WNT7B: variants seen among roughly 807,000 people sequenced by gnomAD.
WNT7B encodes Wnt family member 7B.
WNT7B carries 19 observed loss-of-function variants against 38.2 expected under a neutral mutation model. That is an observed-to-expected ratio of 0.50 (90% confidence interval 0.35 to 0.73). The LOEUF (loss-of-function observed/expected upper bound fraction) is 0.73, where lower values mean the gene tolerates loss of function less well. WNT7B is among the 30% of genes least tolerant of loss of function. The pLI is 0.01. For missense variants in WNT7B, 423 were observed against 507.9 expected, an observed-to-expected ratio of 0.83 and a Z score of 1.61; for synonymous variants, 243 against 209.3, an observed-to-expected ratio of 1.16 and a Z score of -1.39.
Position 45,922,843 on chromosome 22 carries a change from T to A in WNT7B, c.*13A>T. ...GGGTTCCAGGGTGCCCGCGGCCGCC[T>A]CCGGGCCTGGCCTCACTTGCAGGTG... On this transcript the variant is annotated 3_prime_UTR_variant, in exon 4 of 4. Transcript: ENST00000339464. 1 of 1,586,276 alleles carries A rather than the reference T, an allele frequency of 6.3e-7. No homozygotes were observed. Among genetic ancestry groups the A allele is most frequent in the Non-Finnish European group, 8.6e-7 (1 of 1,161,838 alleles).
intron 2 of WNT7B, among the ~76,000 whole-genome samples, chr22:45,948,857 T>C (rs867802191): frequency 0.019 from 2,204 of 114,086 alleles, 24 homozygotes; most frequent in Middle Eastern, 0.05. Context: ...TTTTTTTTTT[T>C]CCCCTGAGAC....
At chr22:45,936,106 G>A (rs1044791638) in intron 2 of WNT7B, 13 of 985,324 alleles carry the variant, frequency 1.3e-5, no homozygotes, top group Non-Finnish European at 1.6e-5. Context: ...CAAGAGCACT[G>A]GGTGGGTTTC....
chr22:45,975,695 G>T lies in WNT7B; in HGVS notation c.71+989C>A. On this transcript the variant is annotated intron_variant, in intron 1 of 3. Transcript: ENST00000339464. This position sits in a 1 kb window ranked among gnomAD's most constrained non-coding sequence, Gnocchi z 6.6. ...GGGTCTGTTCACCGCCTTGCCTGTGGCCTGGACGGGGCTCGCCTCGGGGCA... is the reference window on the plus strand; with the variant it reads ...GGGTCTGTTCACCGCCTTGCCTGTGTCCTGGACGGGGCTCGCCTCGGGGCA... The T allele has an allele frequency of 1.7e-6, 1 of 598,572 alleles. No individual in the cohort carries two copies. Among genetic ancestry groups the T allele is most frequent in the South Asian group, 2.0e-5 (1 of 50,420 alleles). 37.1% of individuals were successfully genotyped at this position (598,572 alleles called of 1,614,324 possible).
intron 1 of WNT7B, chr22:45,972,220 C>T: frequency 1.5e-6 from 1 of 649,260 alleles, no homozygotes; most frequent in Non-Finnish European, 2.8e-6. Context: ...GCGCGCTGCG[C>T]GGCGACAGTA....
rs1164815999 is a variant in WNT7B, at chr22:45,966,170, G to T, written c.71+10514C>A. Among the ~76,000 whole-genome samples the T allele has an allele frequency of 3.3e-5, 5 of 152,224 alleles. No individual in the cohort carries two copies. The highest frequency in any genetic ancestry group is 2.1e-4 in the South Asian group (1 of 4,832). On this transcript the variant is annotated intron_variant, in intron 1 of 3. Coordinates refer to ENST00000339464, the MANE Select transcript of WNT7B (RefSeq NM_058238.3). This position sits in a 1 kb window ranked among gnomAD's most constrained non-coding sequence, Gnocchi z 4.2. The stretch of plus-strand genomic sequence containing the variant: ...TCCCACTAGGGAGGGCCTTCTGGGG[G>T]AAACTGAGTCCTCCAGAAGTGGGAA...
At chr22:45,957,619 G>T (rs1932096862) in intron 1 of WNT7B, among the ~76,000 whole-genome samples, 1 of 128,410 alleles carries the variant, frequency 7.8e-6, no homozygotes, top group Non-Finnish European at 1.6e-5. Context: ...GGAGGCGAAA[G>T]TTGCAGTGAG....
At chr22:45,936,509 A>G (rs1319664053) in intron 2 of WNT7B, among the ~76,000 whole-genome samples, 1 of 152,252 alleles carries the variant, frequency 6.6e-6, no homozygotes, top group Non-Finnish European at 1.5e-5. Flanking sequence ...CCTCAGAGAC[A>G]TGTGGGTAAA....
intron 1 of WNT7B, chr22:45,972,116 G>GGGGGGCCCCCCCCCCCCCCCCCCCCCC: frequency 3.8e-6 from 2 of 530,738 alleles, no homozygotes; most frequent in Non-Finnish European, 6.6e-6. Flanking sequence ...CCCGGGGGGA[G>GGGGGGCCCCCCCCCCCCCCCCCCCCCC]CCCACCCGCC....
chr22:45,955,378 T>A (rs1226395903), intron 1 of WNT7B, among the ~76,000 whole-genome samples: 5 of 152,194 alleles, frequency 3.3e-5, no homozygotes, highest in African/African-American at 4.8e-5. Context: ...AGCCAGTGAT[T>A]TAGAGGAGGC....
At chr22:45,927,557 G>T in intron 3 of WNT7B, 1 of 1,409,048 alleles carries the variant, frequency 7.1e-7, no homozygotes, top group Non-Finnish European at 9.8e-7. Context: ...AGGTCACCCT[G>T]GGTTGTCCAA....
rs1569106967 is a variant in WNT7B at position 45,920,735 on chromosome 22, AGGGATGGGATGGGATGG to A, written c.*2104_*2120del. 2.8e-5 allele frequency: 2 copies of A among 71,058 alleles called. No individual in the cohort carries two copies. The highest frequency in any genetic ancestry group is 1.3e-4 in the African/African-American group (2 of 15,654). 4.4% of individuals were successfully genotyped at this position (71,058 alleles called of 1,614,324 possible). A position where few individuals can be genotyped will look rare whatever the true frequency, so the allele number is the denominator to read the frequency against. Reference sequence around the variant, plus strand: ...GGGGGATGGGATGAGGGATGAGATGAGGGATGGGATGGGATGGGGGATGAGGGATGGGGGCCGCAGCC... The same window carrying A: ...GGGGGATGGGATGAGGGATGAGATGAGGGATGAGGGATGGGGGCCGCAGCC... On this transcript the variant is annotated 3_prime_UTR_variant, in exon 4 of 4. Coordinates refer to ENST00000339464, the MANE Select transcript of WNT7B (RefSeq NM_058238.3).
intron 2 of WNT7B, among the ~76,000 whole-genome samples, chr22:45,946,345 G>A (rs547191031): frequency 1.2e-4 from 18 of 152,286 alleles, no homozygotes; most frequent in African/African-American, 3.4e-4. Context: ...CACCCCCTCC[G>A]GGAAGCCCTT....
At chr22:45,934,653 C>G (rs1478850011) in intron 2 of WNT7B, among the ~76,000 whole-genome samples, 1 of 152,170 alleles carries the variant, frequency 6.6e-6, no homozygotes, top group Middle Eastern at 3.2e-3. Flanking sequence ...GGGTTTGCAC[C>G]CTTGGAGGAC....
intron 2 of WNT7B, among the ~76,000 whole-genome samples, chr22:45,949,219 G>A (rs1931869188): frequency 6.6e-6 from 1 of 152,172 alleles, no homozygotes; most frequent in Admixed American, 6.5e-5. Context: ...AGGCTGTGAG[G>A]ACAGGGAGGG....
rs1932562740 is a variant in WNT7B at position 45,976,832 on chromosome 22, CA to C, written c.-79del. On this transcript the variant is annotated 5_prime_UTR_variant, in exon 1 of 4. Transcript: ENST00000339464. This position sits in a 1 kb window ranked among gnomAD's most constrained non-coding sequence, Gnocchi z 8.5. ...GGGCCCGGCAGGGCCGGGCAGGGGC[CA>C]GGGGGCTGCGGGCAGACTGCGCTCA... The C allele has an allele frequency of 8.1e-6, 11 of 1,364,580 alleles. No individual in the cohort carries two copies. The Admixed American group carries it at 2.8e-4, about 34-fold the overall frequency. 84.5% of individuals were successfully genotyped at this position (1,364,580 alleles called of 1,614,324 possible).
Position 45,965,325 on chromosome 22 carries a change from C to A in WNT7B, c.71+11359G>T, listed in dbSNP as rs10448607. ...CTGTGGGTCCCACAGGGCTTTGTGT[C>A]AACGACGCTGGAAGGCAGGGCGGTA... On this transcript the variant is annotated intron_variant, in intron 1 of 3. Transcript: ENST00000339464. The surrounding 1 kb of genome is among the most constrained non-coding windows in gnomAD (Gnocchi z 6.5). 0.36 allele frequency among the ~76,000 whole-genome samples: 54,168 copies of A among 152,044 alleles called. 10,252 individuals are homozygous for A. Among genetic ancestry groups the A allele is most frequent in the East Asian group, 0.67 (3,422 of 5,138 alleles).
At chr22:45,949,315 A>G (rs558351695) in intron 2 of WNT7B, among the ~76,000 whole-genome samples, 130 of 151,004 alleles carry the variant, frequency 8.6e-4, no homozygotes, top group African/African-American at 3.0e-3. Context: ...TGTCCATCAA[A>G]CCACTCCCCA....
In WNT7B at chr22:45,926,796, C is replaced by T. The variant is rs1931098322; in HGVS notation, c.571-3461G>A. On this transcript the variant is annotated intron_variant, in intron 3 of 3. Coordinates refer to ENST00000339464, the MANE Select transcript of WNT7B (RefSeq NM_058238.3). ...GCCCACAGAGTGGACTGAATGTGGC[C>T]TCGAGTGAAGTTACATCATGAGCCA... 1.2e-5 allele frequency: 12 copies of T among 985,282 alleles called. No individual in the cohort carries two copies. The South Asian group carries it at 3.8e-4, about 31-fold the overall frequency. The allele number at this position is 985,282 out of a possible 1,614,324, so 61.0% of individuals were successfully genotyped here.
chr22:45,959,212 C>G (rs765483853), intron 1 of WNT7B, among the ~76,000 whole-genome samples: 12 of 152,320 alleles, frequency 7.9e-5, no homozygotes, highest in Admixed American at 3.9e-4. Context: ...CTGGGACACC[C>G]TCAGCAGGGC....
Sources: gnomAD v4.1 joint callset for allele counts (sites outside exome capture counted in the v4.1 genomes callset) on GRCh38, gnomAD v4.1.1 for gene constraint, Gnocchi (gnomAD v3.1) non-coding constraint, MANE v1.5 for transcripts, NCBI Gene and HGNC (gene_info 2026-07-23, HGNC 2026-07-21) for gene names.